EIF3G: variants seen among roughly 807,000 people sequenced by gnomAD.
EIF3G encodes the protein eukaryotic translation initiation factor 3 RNA-binding subunit.
EIF3G carries 10 observed loss-of-function variants against 41.7 expected under a neutral mutation model. The observed-to-expected ratio is 0.24, with a 90% CI of 0.15 to 0.41. The LOEUF is 0.41. EIF3G is among the 10% of genes least tolerant of loss of function. The pLI is 1.00. For missense variants in EIF3G, 297 were observed against 444.0 expected (o/e 0.67, Z 2.98); for synonymous variants, 204 against 172.5 (o/e 1.18, Z -1.43).
In EIF3G at chr19:10,116,804, C is replaced by G; in HGVS notation, c.591G>C (p.Pro197=). ...AGGACCCTCCCACCCCCACACCTCC[C>G]GGCAGCTTCTCCTTCTCGCCAGTAG... is the stretch of plus-strand genomic sequence containing the variant. The part of the protein sequence containing the change: ...GLSTGEKEKL[P]GELEPVQATQ... Residue 197 remains proline (P), a synonymous_variant, in exon 7 of 11, where the codon CCG becomes CCC. Transcript: ENST00000253108. This position sits in a 1 kb window ranked among gnomAD's most constrained non-coding sequence, Gnocchi z 4.1. The G allele has an allele frequency of 6.3e-7, 1 of 1,582,566 alleles. No homozygotes were observed. The highest frequency in any genetic ancestry group is 8.6e-7 in the Non-Finnish European group (1 of 1,161,586).
At position 10,118,656 on chromosome 19, in the gene EIF3G, G is replaced by A; in HGVS notation, c.300+12C>T. On this transcript the variant is annotated intron_variant, in intron 5 of 10. Transcript: ENST00000253108. Reference sequence around the variant, plus strand: ...ATTCCTCTAGGTTAGCCCTGGGGAAGAAGAGCCTCACCTTCCTCCTTGCGA... The same window carrying A: ...ATTCCTCTAGGTTAGCCCTGGGGAAAAAGAGCCTCACCTTCCTCCTTGCGA... 6.2e-7 allele frequency: 1 copy of A among 1,613,802 alleles called. No individual in the cohort carries two copies. Among genetic ancestry groups the A allele is most frequent in the Non-Finnish European group, 8.5e-7 (1 of 1,179,894 alleles).
At chr19:10,115,356 C>T in intron 10 of EIF3G, 123 bp downstream of exon 10, 3 of 1,232,856 alleles carry the variant, frequency 2.4e-6, no homozygotes, top group Non-Finnish European at 1.1e-6. Flanking sequence ...CAATAAAGGA[C>T]TGTCCCCTCA....
intron 2 of EIF3G, 96 bp from the exon 3 acceptor site, chr19:10,119,267 G>C (rs1371648688): frequency 1.5e-6 from 2 of 1,368,994 alleles, no homozygotes; most frequent in East Asian, 5.0e-5. Context: ...TACAGCAAAA[G>C]CGGAGAAAGG....
intron 2 of EIF3G, 182 bp from the exon 3 acceptor site, chr19:10,119,353 G>A (rs768798792): frequency 2.7e-5 from 22 of 802,802 alleles, no homozygotes; most frequent in Non-Finnish European, 4.4e-5. Context: ...AAGGATGGGA[G>A]ATCCCTCGTA....
chr19:10,116,209 A>G lies in EIF3G; in HGVS notation c.596-135T>C, dbSNP rs1190927044. ...CCAAACCACAGGCAGCCAGTTGGCC[A>G]CGAGGACACCAAGGTGACACCTGAG... On this transcript the variant is annotated intron_variant, in intron 7 of 10. Coordinates refer to ENST00000253108, the MANE Select transcript of EIF3G (RefSeq NM_003755.5). This position sits in a 1 kb window ranked among gnomAD's most constrained non-coding sequence, Gnocchi z 4.1. The G allele has an allele frequency of 8.7e-6, 7 of 809,156 alleles. No homozygotes were observed. In the East Asian group the frequency reaches 1.3e-4, roughly 16 times the overall value. 50.1% of individuals were successfully genotyped at this position (809,156 alleles called of 1,614,324 possible). A position where few individuals can be genotyped will look rare whatever the true frequency, so the allele number is the denominator to read the frequency against.
At chr19:10,119,488 G>C in intron 2 of EIF3G, 166 bp downstream of exon 2, 22 of 913,750 alleles carry the variant, frequency 2.4e-5, no homozygotes, top group Non-Finnish European at 3.5e-5. Context: ...AGAGGGACCC[G>C]CCGGGGAACA....
At chr19:10,119,750 C>T (rs1352228848) in intron 1 of EIF3G, 50 bp from the exon 2 acceptor site, 4 of 1,612,982 alleles carry the variant, frequency 2.5e-6, no homozygotes, top group South Asian at 1.1e-5. Context: ...CCAGGCCCGG[C>T]TCCCGCAGCC....
At chr19:10,117,295 A>G in intron 5 of EIF3G, 107 bp from the exon 6 acceptor site, 1 of 760,968 alleles carries the variant, frequency 1.3e-6, no homozygotes, top group Non-Finnish European at 2.2e-6. Context: ...CTGGGCCTCA[A>G]ACCCCATCTT....
Position 10,116,622 on chromosome 19 carries a change from T to C in EIF3G, c.595+178A>G, listed in dbSNP as rs375285528. On this transcript the variant is annotated intron_variant, in intron 7 of 10. Coordinates refer to ENST00000253108, the MANE Select transcript of EIF3G (RefSeq NM_003755.5). The surrounding 1 kb of genome is among the most constrained non-coding windows in gnomAD (Gnocchi z 4.1). Reference sequence around the variant, plus strand: ...AGTCACAGCTGCCAAGTCGCACATATATGGGAGACGCCCGTCTCCCAACCA... The same window carrying C: ...AGTCACAGCTGCCAAGTCGCACATACATGGGAGACGCCCGTCTCCCAACCA... The C allele has an allele frequency of 4.7e-5, 29 of 619,134 alleles. No individual in the cohort carries two copies. The highest frequency in any genetic ancestry group is 2.7e-4 in the African/African-American group (15 of 54,656). The allele number at this position is 619,134 out of a possible 1,614,324, so 38.4% of individuals were successfully genotyped here. A position where few individuals can be genotyped will look rare whatever the true frequency, so the allele number is the denominator to read the frequency against.
intron 2 of EIF3G, chr19:10,119,443 G>A: frequency 1.3e-6 from 1 of 765,872 alleles, no homozygotes; most frequent in Non-Finnish European, 2.3e-6. Flanking sequence ...TTCCTCCCTG[G>A]AGGGGAACAG....
intron 5 of EIF3G, among the ~76,000 whole-genome samples, chr19:10,117,771 C>T (rs1305647616): frequency 6.6e-6 from 1 of 152,214 alleles, no homozygotes; most frequent in South Asian, 2.1e-4. Context: ...AGAATCTAAC[C>T]GTGGCTGGGC....
Position 10,117,051 on chromosome 19 carries a change from A to T in EIF3G, c.405+33T>A, listed in dbSNP as rs112649117. ...TAAGGCACCCCCTTTGCCCCACCCC[A>T]GGATGCCAGCCCCACCTGATTGCCC... On this transcript the variant is annotated intron_variant, in intron 6 of 10. Transcript: ENST00000253108. 33 of 1,607,214 alleles carry T rather than the reference A, an allele frequency of 2.1e-5. 1 individual carries two copies. In the African/African-American group the frequency reaches 3.3e-4, roughly 16 times the overall value.
In EIF3G at chr19:10,116,184, C is replaced by G. The variant is rs1399611465; in HGVS notation, c.596-110G>C. 8.9e-7 allele frequency: 1 copy of G among 1,123,832 alleles called. No individual in the cohort carries two copies. Among genetic ancestry groups the G allele is most frequent in the Non-Finnish European group, 1.3e-6 (1 of 792,336 alleles). 69.6% of individuals were successfully genotyped at this position (1,123,832 alleles called of 1,614,324 possible). A position where few individuals can be genotyped will look rare whatever the true frequency, so the allele number is the denominator to read the frequency against. On this transcript the variant is annotated intron_variant, in intron 7 of 10. Transcript: ENST00000253108. The surrounding 1 kb of genome is among the most constrained non-coding windows in gnomAD (Gnocchi z 4.1). ...GTTGAGCCAGCGCAGGCACTGTGTG[C>G]CAAACCACAGGCAGCCAGTTGGCCA...
chr19:10,116,296 C>G lies in EIF3G; in HGVS notation c.596-222G>C, dbSNP rs546054798. On this transcript the variant is annotated intron_variant, in intron 7 of 10. Coordinates refer to ENST00000253108, the MANE Select transcript of EIF3G (RefSeq NM_003755.5). The surrounding 1 kb of genome is among the most constrained non-coding windows in gnomAD (Gnocchi z 4.1). Reference sequence around the variant, plus strand: ...GGTGGAGGAGGAGGAGGAGGAGCCCCGACCCCACCCCAGAGAGGGCGGGAG... The same window carrying G: ...GGTGGAGGAGGAGGAGGAGGAGCCCGGACCCCACCCCAGAGAGGGCGGGAG... 1 of 591,578 alleles carries G rather than the reference C, an allele frequency of 1.7e-6. No individual in the cohort carries two copies. The highest frequency in any genetic ancestry group is 3.0e-6 in the Non-Finnish European group (1 of 332,590). The allele number at this position is 591,578 out of a possible 1,614,324, so 36.6% of individuals were successfully genotyped here.
At chr19:10,117,310 C>A (rs2089268328) in intron 5 of EIF3G, 122 bp from the exon 6 acceptor site, 1 of 686,258 alleles carries the variant, frequency 1.5e-6, no homozygotes, top group Non-Finnish European at 2.5e-6. Flanking sequence ...CATCTTCATC[C>A]TCCTCAAGCA....
Position 10,115,789 on chromosome 19 carries a change from G to A in EIF3G, c.735C>T (p.Asn245=). 6.2e-7 allele frequency: 1 copy of A among 1,613,882 alleles called. No homozygotes were observed. ...ADDNATIRVT[N]LSEDTRETDL... ...CGGTCTCACGCGTGTCCTCTGACAA[G>A]TTGGTGACACGGATGGTGGCGTTGT... Residue 245 remains asparagine, a synonymous_variant, in exon 9 of 11, where the codon AAC becomes AAT. Transcript: ENST00000253108.
chr19:10,116,464 G>C lies in EIF3G; in HGVS notation c.595+336C>G, dbSNP rs147801593. ...CTCGCCACCAGCAAATCCCACCAAAGAATTCGGACGGTACAGCCACAGGCA... is the reference window on the plus strand; with the variant it reads ...CTCGCCACCAGCAAATCCCACCAAACAATTCGGACGGTACAGCCACAGGCA... On this transcript the variant is annotated intron_variant, in intron 7 of 10. Coordinates refer to ENST00000253108, the MANE Select transcript of EIF3G (RefSeq NM_003755.5). This position sits in a 1 kb window ranked among gnomAD's most constrained non-coding sequence, Gnocchi z 4.1. 302 of 479,412 alleles carry C rather than the reference G, an allele frequency of 6.3e-4. No homozygotes were observed. Among genetic ancestry groups the C allele is most frequent in the African/African-American group, 5.2e-3 (271 of 51,652 alleles). 29.7% of individuals were successfully genotyped at this position (479,412 alleles called of 1,614,324 possible).
rs1054635725 is a variant in EIF3G, at chr19:10,116,553, CGACA to C, written c.595+243_595+246del. The C allele has an allele frequency of 1.7e-4, 90 of 524,792 alleles. No individual in the cohort carries two copies. The highest frequency in any genetic ancestry group is 5.1e-4 in the East Asian group (17 of 33,362). 32.5% of individuals were successfully genotyped at this position (524,792 alleles called of 1,614,324 possible). A position where few individuals can be genotyped will look rare whatever the true frequency, so the allele number is the denominator to read the frequency against. ...TGTGGGGTGGTCAGCACCCTGGGGCCGACAGACAGCAGCTCATCAGGACAGTCAC... is the reference window on the plus strand; with the variant it reads ...TGTGGGGTGGTCAGCACCCTGGGGCCGACAGCAGCTCATCAGGACAGTCAC... On this transcript the variant is annotated intron_variant, in intron 7 of 10. Transcript: ENST00000253108. The surrounding 1 kb of genome is among the most constrained non-coding windows in gnomAD (Gnocchi z 4.1).
rs2089217448 is a variant in EIF3G at position 10,115,123 on chromosome 19, G to A, written c.954C>T (p.Ser318=). 6.2e-7 allele frequency: 1 copy of A among 1,614,004 alleles called. No homozygotes were observed. The highest frequency in any genetic ancestry group is 8.5e-7 in the Non-Finnish European group (1 of 1,180,006). ...CACAGTGGCAGCTGGCTTAGTTGGT[G>A]GACGGCCTGGGGTAGGGGAGGGTGG... ...LILNVEWAKP[S]TN is the part of the protein sequence containing the mutation. The change falls in exon 11 of 11, where the codon TCC becomes TCT. Residue 318 remains serine (S), a synonymous_variant. Transcript: ENST00000253108.
Sources: allele counts gnomAD v4.1 joint callset (sites outside exome capture counted in the v4.1 genomes callset), GRCh38; gene constraint gnomAD v4.1.1; non-coding constraint Gnocchi (gnomAD v3.1); transcripts MANE v1.5; gene names NCBI Gene and HGNC (gene_info 2026-07-23, HGNC 2026-07-21).